The following WDR75 variants were observed in gnomAD, a reference collection of about 807,000 sequenced individuals.
WDR75 encodes the protein WD repeat-containing protein 75.
WDR75 carries 52 observed loss-of-function variants against 106.1 expected under a neutral mutation model. The observed-to-expected ratio is 0.49, with a 90% CI of 0.39 to 0.62. The LOEUF (loss-of-function observed/expected upper bound fraction) is 0.62, where lower values mean the gene tolerates loss of function less well. WDR75 is among the 20% of genes least tolerant of loss of function. The pLI, the probability that WDR75 is intolerant of heterozygous loss-of-function variation, is 0.00. For missense variants in WDR75, 905 were observed against 970.3 expected (o/e 0.93, Z 0.89); for synonymous variants, 333 against 335.5 (o/e 0.99, Z 0.08).
At chr2:189,442,308 G>A (rs1012554967) in intron 1 of WDR75, among the ~76,000 whole-genome samples, 5 of 152,092 alleles carry the variant, frequency 3.3e-5, no homozygotes, top group African/African-American at 7.2e-5. Context: ...GTATGTAGCT[G>A]TAATCATTAT....
intron 15 of WDR75, 60 bp from the exon 16 acceptor site, chr2:189,469,284 T>G: frequency 7.3e-7 from 1 of 1,378,588 alleles, no homozygotes; most frequent in Non-Finnish European, 1.0e-6. Flanking sequence ...TAAGAGAAGT[T>G]TTTTAAAGCT....
chr2:189,459,250 T>C, intron 7 of WDR75, 86 bp from the exon 8 acceptor site: 2 of 940,546 alleles, frequency 2.1e-6, no homozygotes, highest in Non-Finnish European at 3.2e-6. Context: ...ATGTTTGGTA[T>C]ATATTATGTT....
In WDR75 at chr2:189,470,181, C is replaced by T. The variant is rs369182661; in HGVS notation, c.1925C>T (p.Ser642Phe). 13 of 1,613,598 alleles carry T rather than the reference C, an allele frequency of 8.1e-6. No individual in the cohort carries two copies. Among genetic ancestry groups the T allele is most frequent in the Non-Finnish European group, 1.1e-5 (13 of 1,179,616 alleles). ...GVFVPRDVPE[S>F]FTSEAYQWLN... ...TTTGTTCCACGAGATGTCCCTGAAT[C>T]CTTCACCTCAGAAGCTTACCAGTGG... Residue 642 changes from serine to phenylalanine, a missense_variant, in exon 17 of 21, where the codon TCC (serine) becomes TTC (phenylalanine). Coordinates refer to ENST00000314761, the MANE Select transcript of WDR75 (RefSeq NM_032168.3).
At chr2:189,450,377 T>A in intron 2 of WDR75, 1 of 505,380 alleles carries the variant, frequency 2.0e-6, no homozygotes. Context: ...GGTTTTTTTT[T>A]CTGGAGAGTC....
chr2:189,475,474 C>A lies in WDR75; in HGVS notation c.*57C>A. The A allele has an allele frequency of 7.3e-6, 7 of 958,794 alleles. No homozygotes were observed. The highest frequency in any genetic ancestry group is 3.7e-5 in the South Asian group (2 of 53,824). The allele number at this position is 958,794 out of a possible 1,614,324, so 59.4% of individuals were successfully genotyped here. A position where few individuals can be genotyped will look rare whatever the true frequency, so the allele number is the denominator to read the frequency against. ...GTGTTTTTGATTGTATGTTGATATTCTAAAAACATCTATTTTAATGTTATT... is the reference window on the plus strand; with the variant it reads ...GTGTTTTTGATTGTATGTTGATATTATAAAAACATCTATTTTAATGTTATT... On this transcript the variant is annotated 3_prime_UTR_variant, in exon 21 of 21. Transcript: ENST00000314761.
In WDR75 at chr2:189,448,496, C is replaced by T; in HGVS notation, c.204C>T (p.Asn68=). 1.2e-6 allele frequency: 2 copies of T among 1,613,924 alleles called. No individual in the cohort carries two copies. Residue 68 remains asparagine (N), a synonymous_variant, in exon 2 of 21, where the codon AAC becomes AAT. Coordinates refer to ENST00000314761, the MANE Select transcript of WDR75 (RefSeq NM_032168.3). ...TGACTGGAATCCAGCTTAACCCCAA[C>T]AACCATCTACAGGTGTCAAACAGTT... ...NLVTGIQLNP[N]NHLQLYSCSL... is the part of the protein sequence containing the mutation.
chr2:189,475,385 A>G lies in WDR75; in HGVS notation c.2461A>G (p.Lys821Glu). ...SEEKELRKFR[K>E]IDYSWIAAL ...AGAAAAAGAACTGAGAAAATTTAGG[A>G]AAATAGACTACAGCTGGATAGCTGC... The change falls in exon 21 of 21, where the codon AAA becomes GAA. Residue 821 changes from lysine (K) to glutamate (E), a missense_variant. Transcript: ENST00000314761. The G allele has an allele frequency of 6.2e-7, 1 of 1,611,798 alleles. No homozygotes were observed. Among genetic ancestry groups the G allele is most frequent in the Non-Finnish European group, 8.5e-7 (1 of 1,178,996 alleles).
chr2:189,459,257 T>C (rs1326485076), intron 7 of WDR75, 79 bp from the exon 8 acceptor site: 1 of 1,013,892 alleles, frequency 9.9e-7, no homozygotes, highest in African/African-American at 1.6e-5. Context: ...GTATATATTA[T>C]GTTTATTGTA....
rs1022264493 is a variant in WDR75, at chr2:189,475,517, A to G, written c.*100A>G. The G allele has an allele frequency of 2.6e-6, 2 of 755,380 alleles. No individual in the cohort carries two copies. The highest frequency in any genetic ancestry group is 4.0e-6 in the Non-Finnish European group (2 of 497,910). 46.8% of individuals were successfully genotyped at this position (755,380 alleles called of 1,614,324 possible). A position where few individuals can be genotyped will look rare whatever the true frequency, so the allele number is the denominator to read the frequency against. On this transcript the variant is annotated 3_prime_UTR_variant, in exon 21 of 21. Transcript: ENST00000314761. Reference sequence around the variant, plus strand: ...ATGTTATTTCTGTTCTAAAAATAAGATAATAAATATTAACAAACTTTGCTT... The same window carrying G: ...ATGTTATTTCTGTTCTAAAAATAAGGTAATAAATATTAACAAACTTTGCTT...
At chr2:189,468,412 A>C in intron 14 of WDR75, 63 bp from the exon 15 acceptor site, 3 of 1,445,504 alleles carry the variant, frequency 2.1e-6, no homozygotes, top group Non-Finnish European at 1.9e-6. Flanking sequence ...GGAAGCCTGC[A>C]GTTCTTTGTA....
intron 5 of WDR75, among the ~76,000 whole-genome samples, chr2:189,455,862 C>T (rs1433732002): frequency 6.6e-6 from 1 of 152,106 alleles, no homozygotes. Context: ...AATAACTTTT[C>T]CCGAAAAGAA....
intron 5 of WDR75, among the ~76,000 whole-genome samples, chr2:189,456,780 T>G (rs115509958): frequency 0.017 from 2,572 of 152,266 alleles, 75 homozygotes; most frequent in African/African-American, 0.059. Context: ...ACTTTAAGCT[T>G]GAGAGTCTAG....
chr2:189,474,201 A>G lies in WDR75; in HGVS notation c.2065A>G (p.Ser689Gly), dbSNP rs1246838941. The G allele has an allele frequency of 6.2e-7, 1 of 1,609,946 alleles. No homozygotes were observed. The highest frequency in any genetic ancestry group is 8.5e-7 in the Non-Finnish European group (1 of 1,179,034). ...ATCCTTAAAGCTGCTAGCAGAAGAA[A>G]GTCTTCCCACAACCCCATTTTATTT... ...PTSKQLLAEE[S>G]LPTTPFYFIL... Residue 689 changes from serine to glycine, a missense_variant, in exon 19 of 21, where the codon AGT (serine) becomes GGT (glycine). Coordinates refer to ENST00000314761, the MANE Select transcript of WDR75 (RefSeq NM_032168.3).
Position 189,459,425 on chromosome 2 carries a change from G to A in WDR75, c.778+1G>A. Reference sequence around the variant, plus strand: ...ATGGATTTGGCTTTTTCAGTGACAGGTAAGTGCGGGTTTAATTATTAAAAT... The same window carrying A: ...ATGGATTTGGCTTTTTCAGTGACAGATAAGTGCGGGTTTAATTATTAAAAT... On this transcript the variant is annotated splice_donor_variant, in intron 8 of 20. Transcript: ENST00000314761. LOFTEE classifies it high-confidence loss of function. The A allele has an allele frequency of 6.2e-7, 1 of 1,609,112 alleles. No homozygotes were observed. Among genetic ancestry groups the A allele is most frequent in the Non-Finnish European group, 8.5e-7 (1 of 1,176,896 alleles).
intron 11 of WDR75, 38 bp from the exon 12 acceptor site, chr2:189,465,038 TTAA>T (rs1686971950): frequency 2.2e-6 from 3 of 1,394,990 alleles, no homozygotes; most frequent in Non-Finnish European, 3.0e-6. Flanking sequence ...TGTATTTATG[TTAA>T]TAAACATTTT....
At chr2:189,455,086 C>CA (rs1686704379) in intron 4 of WDR75, among the ~76,000 whole-genome samples, 2 of 151,826 alleles carry the variant, frequency 1.3e-5, no homozygotes, top group African/African-American at 4.8e-5. Flanking sequence ...ACTAAAAATA[C>CA]AAAAATTAGC....
At position 189,463,918 on chromosome 2, in the gene WDR75, A is replaced by G; in HGVS notation, c.1070A>G (p.His357Arg). The G allele has an allele frequency of 1.2e-6, 2 of 1,613,934 alleles. No individual in the cohort carries two copies. The highest frequency in any genetic ancestry group is 1.1e-5 in the South Asian group (1 of 91,070). The change falls in exon 11 of 21, where the codon CAC becomes CGC. Residue 357 changes from histidine to arginine, a missense_variant. Transcript: ENST00000314761. ...KALVLNGKPG[H>R]LQFYSLQSDK... is the part of the protein sequence containing the mutation. ...TTGGTTTTGAATGGAAAACCTGGCC[A>G]CCTGCAGTTTTATTCTCTCCAGAGT...
intron 2 of WDR75, chr2:189,449,501 T>C: frequency 8.2e-6 from 9 of 1,099,530 alleles, no homozygotes; most frequent in Non-Finnish European, 1.0e-5. Flanking sequence ...TTTGTTAAAA[T>C]TGAAATTTGT....
intron 3 of WDR75, among the ~76,000 whole-genome samples, chr2:189,451,361 A>G (rs934757865): frequency 4.6e-5 from 7 of 152,216 alleles, no homozygotes; most frequent in Admixed American, 1.3e-4. Context: ...ATGACACAAT[A>G]TTTCCCCTCA....
Sources: allele counts gnomAD v4.1 joint callset (sites outside exome capture counted in the v4.1 genomes callset), GRCh38; gene constraint gnomAD v4.1.1; transcripts MANE v1.5; gene names NCBI Gene and HGNC (gene_info 2026-07-23, HGNC 2026-07-21).